The following PCM1 variants were observed in gnomAD, a reference collection of about 807,000 sequenced individuals.
The protein encoded by PCM1 is pericentriolar material 1.
In PCM1, 157 loss-of-function variants were observed where a neutral mutation model predicts 241.9. That is an observed-to-expected ratio of 0.65 (90% CI 0.57 to 0.74). The LOEUF is 0.74. Ranked by LOEUF, PCM1 falls within the 30% of genes least tolerant of loss-of-function variation. The pLI, the probability that PCM1 is intolerant of heterozygous loss-of-function variation, is 0.00. For missense variants in PCM1, 3,478 were observed against 2,360.1 expected (o/e 1.47, Z -9.81); for synonymous variants, 1,085 against 784.9 (o/e 1.38, Z -6.39).
At chr8:17,981,993 G>A (rs995919729) in intron 24 of PCM1, among the ~76,000 whole-genome samples, 5 of 152,076 alleles carry the variant, frequency 3.3e-5, no homozygotes, top group East Asian at 1.9e-4. Context: ...CAAAAAGGCC[G>A]GAAGAAAATG....
At chr8:17,945,965 G>C (rs183765408) in intron 6 of PCM1, among the ~76,000 whole-genome samples, 40 of 152,156 alleles carry the variant, frequency 2.6e-4, no homozygotes, top group African/African-American at 9.2e-4. Context: ...TAAAATAAAA[G>C]ACTTTTTAAA....
intron 34 of PCM1, among the ~76,000 whole-genome samples, chr8:18,013,127 A>G (rs1329775690): frequency 6.6e-6 from 1 of 152,146 alleles, no homozygotes; most frequent in African/African-American, 2.4e-5. Context: ...GATGGTTTAG[A>G]TTCTTCAAAT....
intron 27 of PCM1, among the ~76,000 whole-genome samples, chr8:17,990,668 A>G (rs1309022732): frequency 6.6e-6 from 1 of 152,180 alleles, no homozygotes; most frequent in African/African-American, 2.4e-5. Flanking sequence ...CTGAGAATTC[A>G]GTCATTTGCC....
At position 17,989,751 on chromosome 8, in the gene PCM1, A is replaced by G. The variant is rs2083869458; in HGVS notation, c.4411-108A>G. On this transcript the variant is annotated intron_variant, in intron 26 of 38. Transcript: ENST00000325083. The stretch of plus-strand genomic sequence containing the variant: ...CAGAATACTGAGGAAACTTATGAAT[A>G]TCTTTTAAGTGTACAATTTTATGTA... The G allele has an allele frequency of 5.2e-6, 4 of 772,466 alleles. No homozygotes were observed. The African/African-American group carries it at 5.3e-5, about 10-fold the overall frequency. 47.9% of individuals were successfully genotyped at this position (772,466 alleles called of 1,614,324 possible).
At position 18,001,862 on chromosome 8, in the gene PCM1, A is replaced by G. The variant is rs570830687; in HGVS notation, c.4828-4401A>G. ...CTGCTTTCTCTGTATCTGACTTTAC[A>G]GCTGAGAGGAAAAAGTCAGCTGATC... On this transcript the variant is annotated intron_variant, in intron 29 of 38. Transcript: ENST00000325083. Among the ~76,000 whole-genome samples, 5 of 152,188 alleles carry G rather than the reference A, an allele frequency of 3.3e-5. No individual in the cohort carries two copies. In the East Asian group the frequency reaches 5.8e-4, roughly 18 times the overall value.
At chr8:17,948,135 T>A (rs2064524233) in intron 7 of PCM1, among the ~76,000 whole-genome samples, 1 of 152,124 alleles carries the variant, frequency 6.6e-6, no homozygotes, top group Non-Finnish European at 1.5e-5. Context: ...TTGAGCGCTT[T>A]GTTTTTGCGA....
chr8:17,972,546 G>T lies in PCM1; in HGVS notation c.3802G>T (p.Val1268Leu), dbSNP rs1188632066. ...LESFSSMPDP[V>L]DPTTVTKTFK... The stretch of plus-strand genomic sequence containing the variant: ...AAGCTTTAGCAGTATGCCTGATCCA[G>T]TAGATCCAACAACAGTGACTAAAAC... The change falls in exon 23 of 39, where the codon GTA (valine) becomes TTA (leucine). Residue 1268 changes from valine to leucine, a missense_variant. Transcript: ENST00000325083. The T allele has an allele frequency of 3.1e-6, 5 of 1,613,848 alleles. No individual in the cohort carries two copies. The highest frequency in any genetic ancestry group is 4.2e-6 in the Non-Finnish European group (5 of 1,179,766).
intron 29 of PCM1, among the ~76,000 whole-genome samples, chr8:18,005,254 T>C (rs1363950965): frequency 1.3e-5 from 2 of 152,096 alleles, no homozygotes; most frequent in Non-Finnish European, 2.9e-5. Flanking sequence ...AAAAGTGTTA[T>C]CTACCAGACA....
chr8:18,014,798 T>C lies in PCM1; in HGVS notation c.5799T>C (p.Ala1933=), dbSNP rs1249592868. 3.1e-6 allele frequency: 5 copies of C among 1,605,020 alleles called. No individual in the cohort carries two copies. The highest frequency in any genetic ancestry group is 1.7e-5 in the Admixed American group (1 of 59,612). Residue 1933 remains alanine (A), a synonymous_variant, in exon 36 of 39, where the codon GCT becomes GCC. Coordinates refer to ENST00000325083, the MANE Select transcript of PCM1 (RefSeq NM_006197.4). ...AGGAAACTCCTGAAAGCTCTCTGGCTGGAAGTCCTGATACTGAATCTCCAG... is the reference window on the plus strand; with the variant it reads ...AGGAAACTCCTGAAAGCTCTCTGGCCGGAAGTCCTGATACTGAATCTCCAG... The part of the protein sequence containing the change: ...SAQETPESSL[A]GSPDTESPVL...
Position 17,969,536 on chromosome 8 carries a change from A to T in PCM1, c.3413-41A>T, listed in dbSNP as rs779631153. The T allele has an allele frequency of 5.1e-6, 7 of 1,366,832 alleles. No individual in the cohort carries two copies. In the South Asian group the frequency reaches 6.6e-5, roughly 13 times the overall value. 84.7% of individuals were successfully genotyped at this position (1,366,832 alleles called of 1,614,324 possible). A position where few individuals can be genotyped will look rare whatever the true frequency, so the allele number is the denominator to read the frequency against. ...TTAATTTCATTTTAAAGCTAAAGAC[A>T]TTTATTTATTTTTCTCTTACCCATT... On this transcript the variant is annotated intron_variant, in intron 21 of 38. Transcript: ENST00000325083.
intron 22 of PCM1, 112 bp from the exon 23 acceptor site, chr8:17,972,217 T>C (rs2077085080): frequency 1.9e-6 from 1 of 531,184 alleles, no homozygotes; most frequent in Non-Finnish European, 3.2e-6. Context: ...TTTTATAGCC[T>C]GTTGACAATT....
chr8:17,972,446 A>C lies in PCM1; in HGVS notation c.3702A>C (p.Lys1234Asn). 4.3e-6 allele frequency: 7 copies of C among 1,613,086 alleles called. No homozygotes were observed. Among genetic ancestry groups the C allele is most frequent in the Non-Finnish European group, 5.9e-6 (7 of 1,179,432 alleles). Residue 1234 changes from lysine (K) to asparagine (N), a missense_variant, in exon 23 of 39, where the codon AAA (lysine) becomes AAC (asparagine). Coordinates refer to ENST00000325083, the MANE Select transcript of PCM1 (RefSeq NM_006197.4). ...CTGGATTTTCAGTGTCTGTAGAAAAATCTACAAGTAGTAACCGCAAAAATC... is the reference window on the plus strand; with the variant it reads ...CTGGATTTTCAGTGTCTGTAGAAAACTCTACAAGTAGTAACCGCAAAAATC... ...IKTGFSVSVE[K>N]STSSNRKNQL... is the part of the protein sequence containing the mutation.
intron 14 of PCM1, 39 bp downstream of exon 14, chr8:17,960,204 A>G: frequency 8.4e-6 from 13 of 1,547,082 alleles, no homozygotes; most frequent in African/African-American, 1.4e-5. Flanking sequence ...TATAATAAAA[A>G]TTTAGTGCCT....
chr8:17,942,221 C>G (rs550246813), intron 6 of PCM1, among the ~76,000 whole-genome samples: 2 of 152,262 alleles, frequency 1.3e-5, no homozygotes, highest in African/African-American at 4.8e-5. Context: ...AATTCTAGCA[C>G]TTTGGAAGAC....
intron 5 of PCM1, among the ~76,000 whole-genome samples, chr8:17,939,273 G>A (rs545147856): frequency 7.2e-4 from 109 of 152,234 alleles, no homozygotes; most frequent in African/African-American, 2.3e-3. Flanking sequence ...TTTAGTAAAG[G>A]GGGATTGGAA....
rs62498199 is a variant in PCM1, at chr8:18,012,097, C to T, written c.5511+270C>T. ...ATAGCCTCAAACTCCTGAGCTCAAG[C>T]GATCCTCCCACCTCAGCCTCCCAAA... On this transcript the variant is annotated intron_variant, in intron 34 of 38. Transcript: ENST00000325083. 0.02 allele frequency among the ~76,000 whole-genome samples: 3,029 copies of T among 152,166 alleles called. 45 individuals carry two copies. The highest frequency in any genetic ancestry group is 0.026 in the Non-Finnish European group (1,778 of 67,984).
In PCM1 at chr8:18,025,289, A is replaced by G. The variant is rs2094110484; in HGVS notation, c.5842-72A>G. 7.4e-6 allele frequency: 6 copies of G among 813,018 alleles called. No individual in the cohort carries two copies. In the South Asian group the frequency reaches 9.2e-5, roughly 13 times the overall value. 50.4% of individuals were successfully genotyped at this position (813,018 alleles called of 1,614,324 possible). On this transcript the variant is annotated intron_variant, in intron 36 of 38. Transcript: ENST00000325083. ...ATGTGATAGAATTACTGAGAAAATA[A>G]TTCACTATTTCTTTACATGGATGAC...
intron 31 of PCM1, among the ~76,000 whole-genome samples, chr8:18,010,171 TC>T (rs2092268350): frequency 6.6e-6 from 1 of 152,174 alleles, no homozygotes; most frequent in South Asian, 2.1e-4. Context: ...TGGTTTTACC[TC>T]CCTGTAGTTT....
chr8:17,985,560 C>A lies in PCM1; in HGVS notation c.4222C>A (p.His1408Asn), dbSNP rs759264217. The A allele has an allele frequency of 6.2e-7, 1 of 1,605,134 alleles. No individual in the cohort carries two copies. Among genetic ancestry groups the A allele is most frequent in the Non-Finnish European group, 8.5e-7 (1 of 1,175,018 alleles). Residue 1408 changes from histidine to asparagine, a missense_variant, in exon 25 of 39, where the codon CAT becomes AAT. Coordinates refer to ENST00000325083, the MANE Select transcript of PCM1 (RefSeq NM_006197.4). ...SRPHFLIELF[H>N]ELQLLNTDYL... ...TCCACATTTTCTTATTGAACTCTTC[C>A]ATGAGCTGCAGCTACTAAACACAGA...
Sources: gnomAD v4.1 joint callset for allele counts (sites outside exome capture counted in the v4.1 genomes callset) on GRCh38, gnomAD v4.1.1 for gene constraint, MANE v1.5 for transcripts, NCBI Gene and HGNC (gene_info 2026-07-23, HGNC 2026-07-21) for gene names.